RMND1: variants seen among roughly 807,000 people sequenced by gnomAD.
The protein encoded by RMND1 is required for meiotic nuclear division 1 homolog, also known as required for meiotic nuclear division protein 1 homolog.
Under a neutral mutation model 54.0 loss-of-function variants are expected in RMND1, and 41 were observed. The observed-to-expected ratio is 0.76, with a 90% CI of 0.59 to 0.98. The LOEUF (loss-of-function observed/expected upper bound fraction) is 0.98, where lower values mean the gene tolerates loss of function less well. Among genes scored for constraint, RMND1 ranks in the 50% least tolerant of loss-of-function variants. RMND1 has a pLI of 0.00. For missense variants in RMND1, 457 were observed against 532.0 expected (o/e 0.86, Z 1.39); for synonymous variants, 183 against 181.7 (o/e 1.01, Z -0.06).
chr6:151,419,714 G>A (rs1780105168), intron 9 of RMND1, among the ~76,000 whole-genome samples: 3 of 145,832 alleles, frequency 2.1e-5, no homozygotes, highest in Admixed American at 6.9e-5. Context: ...ACCTGTTCAC[G>A]ATTAAAAAAA....
At chr6:151,423,191 C>T (rs935598126) in intron 7 of RMND1, among the ~76,000 whole-genome samples, 1 of 152,150 alleles carries the variant, frequency 6.6e-6, no homozygotes, top group Non-Finnish European at 1.5e-5. Context: ...TGTGCCCAGT[C>T]ACACAAGGCT....
chr6:151,405,703 G>C lies in RMND1; in HGVS notation c.1317+17C>G, dbSNP rs41289381. The C allele has an allele frequency of 8.4e-7, 1 of 1,186,772 alleles. No individual in the cohort carries two copies. Among genetic ancestry groups the C allele is most frequent in the Non-Finnish European group, 1.3e-6 (1 of 791,284 alleles). 73.5% of individuals were successfully genotyped at this position (1,186,772 alleles called of 1,614,324 possible). ...AAAGATGGTAACTGATCATAGTACA[G>C]AGCATTTCCATCTTACCTCTATGGT... On this transcript the variant is annotated intron_variant, in intron 11 of 11. Transcript: ENST00000444024.
In RMND1 at chr6:151,436,612, G is replaced by A. The variant is rs571721577; in HGVS notation, c.505-58C>T. 80 of 1,572,594 alleles carry A rather than the reference G, an allele frequency of 5.1e-5. No homozygotes were observed. The East Asian group carries it at 1.6e-3, about 31-fold the overall frequency. Reference sequence around the variant, plus strand: ...CCAAGAGGCTGAAGCATCTGTGACGGCTGCTGAGCACCCTACTGGACTCCA... The same window carrying A: ...CCAAGAGGCTGAAGCATCTGTGACGACTGCTGAGCACCCTACTGGACTCCA... On this transcript the variant is annotated intron_variant, in intron 2 of 11. Transcript: ENST00000444024.
At chr6:151,409,888 G>A (rs529102175) in intron 10 of RMND1, among the ~76,000 whole-genome samples, 5 of 152,234 alleles carry the variant, frequency 3.3e-5, no homozygotes, top group Admixed American at 3.3e-4. Flanking sequence ...TGGAGCGAGG[G>A]ATCCACTGCC....
At chr6:151,444,468 T>C (rs1011259463) in intron 2 of RMND1, 2 of 152,148 alleles carry the variant, frequency 1.3e-5, no homozygotes, top group Non-Finnish European at 1.5e-5. Flanking sequence ...ATGTATACCT[T>C]TCCAAGGGGT....
At chr6:151,450,353 GA>G (rs1781111548) in intron 1 of RMND1, among the ~76,000 whole-genome samples, 1 of 147,116 alleles carries the variant, frequency 6.8e-6, no homozygotes, top group African/African-American at 2.5e-5. Context: ...ATCCGGGAGG[GA>G]GGTGGGGGTC....
chr6:151,447,033 A>G (rs1780972911), intron 1 of RMND1, among the ~76,000 whole-genome samples: 1 of 152,244 alleles, frequency 6.6e-6, no homozygotes, highest in Non-Finnish European at 1.5e-5. Flanking sequence ...GAGATGCACA[A>G]ATTGCTCTAG....
intron 6 of RMND1, among the ~76,000 whole-genome samples, chr6:151,425,971 TCTCA>T (rs981502400): frequency 6.3e-5 from 9 of 142,480 alleles, no homozygotes; most frequent in Non-Finnish European, 1.2e-4. Flanking sequence ...TGAGACAGAG[TCTCA>T]CTCTGTTGCA....
chr6:151,438,462 A>G (rs1213395668), intron 2 of RMND1, among the ~76,000 whole-genome samples: 1 of 152,238 alleles, frequency 6.6e-6, no homozygotes, highest in African/African-American at 2.4e-5. Context: ...ATCTTCCTGT[A>G]GCTGTACTGA....
intron 10 of RMND1, among the ~76,000 whole-genome samples, chr6:151,415,792 CAAAAAA>C (rs3029408): frequency 2.1e-5 from 2 of 93,754 alleles, no homozygotes; most frequent in African/African-American, 3.9e-5. Context: ...GACTCCGTCT[CAAAAAA>C]AAAAAAAAAA....
intron 10 of RMND1, chr6:151,408,827 G>A (rs1454037483): frequency 6.6e-6 from 1 of 152,194 alleles, no homozygotes. Context: ...TGGAAAAGGT[G>A]AGGAAATGGA....
intron 3 of RMND1, 85 bp from the exon 4 acceptor site, chr6:151,433,315 C>T (rs1780497731): frequency 2.6e-5 from 20 of 783,692 alleles, no homozygotes; most frequent in Non-Finnish European, 2.1e-6. Flanking sequence ...TAATAAAGTA[C>T]TTAAGATCAT....
intron 9 of RMND1, among the ~76,000 whole-genome samples, chr6:151,420,486 C>G (rs1315008807): frequency 6.6e-6 from 1 of 152,134 alleles, no homozygotes; most frequent in Admixed American, 6.5e-5. Flanking sequence ...AGAAAAACAC[C>G]AACATCCGGG....
In RMND1 at chr6:151,405,034, A is replaced by G; in HGVS notation, c.*201T>C. The G allele has an allele frequency of 2.0e-6, 1 of 496,088 alleles. No individual in the cohort carries two copies. The highest frequency in any genetic ancestry group is 3.9e-5 in the Admixed American group (1 of 25,542). The allele number at this position is 496,088 out of a possible 1,614,324, so 30.7% of individuals were successfully genotyped here. ...CGGGCGTGTGCCAACACACCTGGCT[A>G]ATTTTGGTATTTTTAGTAGAGATGG... On this transcript the variant is annotated 3_prime_UTR_variant, in exon 12 of 12. Coordinates refer to ENST00000444024, the MANE Select transcript of RMND1 (RefSeq NM_017909.4).
chr6:151,417,639 T>A (rs1780043707), intron 9 of RMND1, among the ~76,000 whole-genome samples: 1 of 151,982 alleles, frequency 6.6e-6, no homozygotes, highest in Admixed American at 6.6e-5. Context: ...TACAGGCATG[T>A]GGCATTGCAT....
At chr6:151,417,518 G>T (rs1780040782) in intron 9 of RMND1, 119 bp from the exon 10 acceptor site, 3 of 698,652 alleles carry the variant, frequency 4.3e-6, no homozygotes, top group Non-Finnish European at 6.7e-6. Context: ...AAGAGAGAGG[G>T]TCTTGCTATG....
chr6:151,406,010 A>T (rs1018294100), intron 10 of RMND1, among the ~76,000 whole-genome samples, 174 bp from the exon 11 acceptor site: 4 of 152,238 alleles, frequency 2.6e-5, no homozygotes, highest in Admixed American at 2.6e-4. Context: ...TAATGTACAA[A>T]TTTAACTGCA....
At chr6:151,417,174 T>C in intron 10 of RMND1, 105 bp downstream of exon 10, 2 of 1,271,488 alleles carry the variant, frequency 1.6e-6, no homozygotes, top group South Asian at 3.0e-5. Flanking sequence ...TATAAAGAGA[T>C]TTGAATGGAA....
At chr6:151,445,977 A>AT (rs1582971119) in intron 1 of RMND1, 152 bp from the exon 2 acceptor site, 2 of 720,548 alleles carry the variant, frequency 2.8e-6, no homozygotes, top group Non-Finnish European at 4.4e-6. Flanking sequence ...GGTTAAAAAT[A>AT]TAAGTACAGT....
Sources: gnomAD v4.1 joint callset for allele counts (sites outside exome capture counted in the v4.1 genomes callset) on GRCh38, gnomAD v4.1.1 for gene constraint, MANE v1.5 for transcripts, NCBI Gene and HGNC (gene_info 2026-07-23, HGNC 2026-07-21) for gene names.